NSD3: variants seen among roughly 807,000 people sequenced by gnomAD.
NSD3 encodes nuclear receptor binding SET domain protein 3, also known as histone-lysine N-methyltransferase NSD3.
Under a neutral mutation model 160.8 loss-of-function variants are expected in NSD3, and 24 were observed. That is an observed-to-expected ratio of 0.15 (90% confidence interval 0.11 to 0.21). NSD3 has a LOEUF of 0.21. Among genes scored for constraint, NSD3 ranks in the 10% least tolerant of loss-of-function variants. The pLI is 1.00. For synonymous variants in NSD3, 520 were observed against 600.0 expected, an observed-to-expected ratio of 0.87 and a Z score of 1.95; for missense variants, 1,157 against 1,735.9, an observed-to-expected ratio of 0.67 and a Z score of 5.93.
rs186311055 is a variant in NSD3, at chr8:38,310,897, T to C, written c.2242+3750A>G. Among the ~76,000 whole-genome samples, 107 of 152,184 alleles carry C rather than the reference T, an allele frequency of 7.0e-4. No individual in the cohort carries two copies. In the East Asian group the frequency reaches 0.014, roughly 19 times the overall value. On this transcript the variant is annotated intron_variant, in intron 12 of 23. Transcript: ENST00000317025. ...TGTTTAATTTTTTAAGAAACCATCATTGGGTTTTCAACAGCCACTACACCA... is the reference window on the plus strand; with the variant it reads ...TGTTTAATTTTTTAAGAAACCATCACTGGGTTTTCAACAGCCACTACACCA...
In NSD3 at chr8:38,293,922, C is replaced by CAAAAAAA. The variant is rs11290856; in HGVS notation, c.2915+1867_2915+1873dup. 8.4e-4 allele frequency among the ~76,000 whole-genome samples: 42 copies of CAAAAAAA among 49,944 alleles called. 1 individual carries two copies. Among genetic ancestry groups the CAAAAAAA allele is most frequent in the African/African-American group, 2.7e-3 (29 of 10,810 alleles). The allele number at this position is 49,944 out of a possible 152,430, so 32.8% of individuals were successfully genotyped here. ...TGGGTGACAGAGTGAGACTCCGTCT[C>CAAAAAAA]AAAAAAAAAAAAAAAAAAAAAAAAA... On this transcript the variant is annotated intron_variant, in intron 16 of 23. Coordinates refer to ENST00000317025, the MANE Select transcript of NSD3 (RefSeq NM_023034.2).
Position 38,288,246 on chromosome 8 carries a change from C to T in NSD3, c.3501+241G>A, listed in dbSNP as rs1808912911. ...AAAAACCATTTCACATAGAAATTAC[C>T]AGTGTCCCCTCTCTCCTTTTTATGA... On this transcript the variant is annotated intron_variant, in intron 19 of 23. Transcript: ENST00000317025. This position sits in a 1 kb window ranked among gnomAD's most constrained non-coding sequence, Gnocchi z 4.5. 6.6e-6 allele frequency among the ~76,000 whole-genome samples: 1 copy of T among 151,994 alleles called. No homozygotes were observed. The highest frequency in any genetic ancestry group is 2.4e-5 in the African/African-American group (1 of 41,378).
At chr8:38,314,963 C>T (rs1809623403) in intron 11 of NSD3, among the ~76,000 whole-genome samples, 190 bp from the exon 12 acceptor site, 2 of 152,212 alleles carry the variant, frequency 1.3e-5, no homozygotes, top group South Asian at 4.1e-4. Context: ...CCTTGGCCTT[C>T]ACTTTGAGAA....
At chr8:38,309,006 A>C (rs1055235883) in intron 12 of NSD3, among the ~76,000 whole-genome samples, 1 of 151,520 alleles carries the variant, frequency 6.6e-6, no homozygotes, top group Non-Finnish European at 1.5e-5. Context: ...AATGGCTTTC[A>C]TTAAGAACAA....
chr8:38,359,443 A>G (rs1810904757), intron 1 of NSD3, among the ~76,000 whole-genome samples: 1 of 152,224 alleles, frequency 6.6e-6, no homozygotes, highest in African/African-American at 2.4e-5. Flanking sequence ...AGTCCTTTCT[A>G]ATCACATTTT....
At chr8:38,286,392 G>A (rs1808857095) in intron 19 of NSD3, among the ~76,000 whole-genome samples, 1 of 152,120 alleles carries the variant, frequency 6.6e-6, no homozygotes, top group Non-Finnish European at 1.5e-5. Context: ...AACTGTGCAA[G>A]CAGGGAAGCA....
intron 4 of NSD3, among the ~76,000 whole-genome samples, chr8:38,332,141 A>G (rs1013075166): frequency 2.6e-5 from 4 of 152,112 alleles, no homozygotes; most frequent in African/African-American, 7.2e-5. Context: ...GAGTCTTACT[A>G]TGTTGCTCAG....
chr8:38,275,715 CA>C lies in NSD3; in HGVS notation c.4239del (p.Val1414CysfsTer9). ...LCCSEHDPMA[P>X]VSPEYWSKIK... ...ATCTTGCTCCAGTATTCTGGTGACA[CA>C]GGAGCCATGGGGTCATGTTCCGAGC... On this transcript the variant is annotated frameshift_variant, in exon 24 of 24. Coordinates refer to ENST00000317025, the MANE Select transcript of NSD3 (RefSeq NM_023034.2). LOFTEE classifies it high-confidence loss of function. 6.2e-7 allele frequency: 1 copy of C among 1,614,196 alleles called. No homozygotes were observed. The highest frequency in any genetic ancestry group is 8.5e-7 in the Non-Finnish European group (1 of 1,180,032).
At chr8:38,323,049 T>A (rs1467692643) in intron 7 of NSD3, among the ~76,000 whole-genome samples, 1 of 152,074 alleles carries the variant, frequency 6.6e-6, no homozygotes, top group Non-Finnish European at 1.5e-5. Flanking sequence ...TAAGTTTTTT[T>A]TCTTTTCTTT....
chr8:38,366,434 T>TTTTTTTTTTA (rs59626261), intron 1 of NSD3, among the ~76,000 whole-genome samples: 3 of 149,018 alleles, frequency 2.0e-5, no homozygotes, highest in African/African-American at 4.9e-5. Flanking sequence ...TTTTTTTTTT[T>TTTTTTTTTTA]GAGATAGAGT....
In NSD3 at chr8:38,329,658, T is replaced by C. The variant is rs769374292; in HGVS notation, c.1301A>G (p.Asn434Ser). The change falls in exon 6 of 24, where the codon AAT becomes AGT. Residue 434 changes from asparagine (N) to serine (S), a missense_variant. By Grantham distance (46) the Asn-to-Ser change is conservative. Transcript: ENST00000317025. This position sits in a 1 kb window ranked among gnomAD's most constrained non-coding sequence, Gnocchi z 4.8. ...SVLNTQPEQT[N>S]AGEVASSLSS... ...GAGTGAGGAGGCCACCTCCCCTGCATTGGTCTGTTCTGGCTGAGTATTCAG... is the reference window on the plus strand; with the variant it reads ...GAGTGAGGAGGCCACCTCCCCTGCACTGGTCTGTTCTGGCTGAGTATTCAG... The C allele has an allele frequency of 3.7e-6, 6 of 1,614,136 alleles. No individual in the cohort carries two copies. Among genetic ancestry groups the C allele is most frequent in the African/African-American group, 2.7e-5 (2 of 74,954 alleles).
rs1243862455 is a variant in NSD3 at position 38,275,370 on chromosome 8, C to A, written c.*271G>T. The A allele has an allele frequency of 2.8e-6, 1 of 353,000 alleles. No homozygotes were observed. The highest frequency in any genetic ancestry group is 5.1e-6 in the Non-Finnish European group (1 of 195,336). 21.9% of individuals were successfully genotyped at this position (353,000 alleles called of 1,614,324 possible). A position where few individuals can be genotyped will look rare whatever the true frequency, so the allele number is the denominator to read the frequency against. ...TCTTATTTTAACAGCAAAAACATTT[C>A]TTTTTCAAGCTGCAATGGCACTGAA... On this transcript the variant is annotated 3_prime_UTR_variant, in exon 24 of 24. Transcript: ENST00000317025.
At chr8:38,293,469 G>T (rs1414760826) in intron 16 of NSD3, among the ~76,000 whole-genome samples, 1 of 151,534 alleles carries the variant, frequency 6.6e-6, no homozygotes, top group African/African-American at 2.4e-5. Flanking sequence ...ACAATTGCTT[G>T]AATCCAGCAG....
intron 6 of NSD3, among the ~76,000 whole-genome samples, chr8:38,328,709 T>C (rs919744139): frequency 3.3e-5 from 5 of 152,174 alleles, no homozygotes; most frequent in Admixed American, 3.3e-4. Flanking sequence ...AGTGAAGAGG[T>C]ACACGGAATA....
At position 38,345,943 on chromosome 8, in the gene NSD3, C is replaced by T. The variant is rs561993906; in HGVS notation, c.675+1554G>A. 8.6e-5 allele frequency among the ~76,000 whole-genome samples: 13 copies of T among 151,952 alleles called. 1 individual carries two copies. In the South Asian group the frequency reaches 2.5e-3, roughly 29 times the overall value. On this transcript the variant is annotated intron_variant, in intron 2 of 23. Coordinates refer to ENST00000317025, the MANE Select transcript of NSD3 (RefSeq NM_023034.2). ...TAAAATAAAATAAAATCTAAACATT[C>T]TAATCCTGAGCTATAATAGTTAACT...
chr8:38,299,665 A>C, intron 14 of NSD3, 75 bp from the exon 15 acceptor site: 2 of 1,392,238 alleles, frequency 1.4e-6, no homozygotes, highest in Non-Finnish European at 1.9e-6. Flanking sequence ...ATAAACCAAC[A>C]CCTATTATGT....
intron 16 of NSD3, among the ~76,000 whole-genome samples, chr8:38,295,416 G>C (rs1027906331): frequency 6.6e-6 from 1 of 151,934 alleles, no homozygotes; most frequent in African/African-American, 2.4e-5. Flanking sequence ...CAAAAAACTA[G>C]CCAGGGGTGG....
At chr8:38,369,037 G>A (rs1811173698) in intron 1 of NSD3, among the ~76,000 whole-genome samples, 1 of 152,130 alleles carries the variant, frequency 6.6e-6, no homozygotes, top group Admixed American at 6.5e-5. Context: ...AAAAGAGAAT[G>A]TATGCCAAAG....
At chr8:38,330,578 C>T (rs77562413) in intron 5 of NSD3, among the ~76,000 whole-genome samples, 123 of 152,222 alleles carry the variant, frequency 8.1e-4, no homozygotes, top group African/African-American at 2.9e-3. Context: ...AGGAATTATC[C>T]AGGTGGCTAG....
Sources: allele counts gnomAD v4.1 joint callset (sites outside exome capture counted in the v4.1 genomes callset), GRCh38; gene constraint gnomAD v4.1.1; non-coding constraint Gnocchi (gnomAD v3.1); transcripts MANE v1.5; gene names NCBI Gene and HGNC (gene_info 2026-07-23, HGNC 2026-07-21).